DPP6: variants seen among roughly 807,000 people sequenced by gnomAD.
DPP6 encodes A-type potassium channel modulatory protein DPP6.
DPP6 carries 69 observed loss-of-function variants against 122.6 expected under a neutral mutation model. The ratio of observed to expected loss-of-function variants is 0.56; its 90% CI spans 0.46 to 0.69. DPP6 has a LOEUF of 0.69. DPP6 is among the 30% of genes least tolerant of loss of function. DPP6 has a pLI of 0.00. For missense variants in DPP6, 928 were observed against 1,116.9 expected (o/e 0.83, Z 2.41); for synonymous variants, 418 against 433.1 (o/e 0.97, Z 0.43).
At chr7:154,825,527 G>A (rs553279890) in intron 16 of DPP6, among the ~76,000 whole-genome samples, 2 of 152,268 alleles carry the variant, frequency 1.3e-5, no homozygotes, top group African/African-American at 2.4e-5. Context: ...CAGTGCCTTC[G>A]TCACCGACGT....
At chr7:154,073,558 A>T (rs1185902200) in intron 1 of DPP6, among the ~76,000 whole-genome samples, 2 of 152,170 alleles carry the variant, frequency 1.3e-5, no homozygotes, top group East Asian at 3.9e-4. Flanking sequence ...TTCTATACTT[A>T]CCTTTACACA....
intron 3 of DPP6, among the ~76,000 whole-genome samples, chr7:154,501,252 A>G (rs992270465): frequency 8.7e-5 from 3 of 34,380 alleles, no homozygotes; most frequent in Non-Finnish European, 2.2e-4. Flanking sequence ...AACATGATAG[A>G]AAAAAAAAAT....
the DPP6 span, among the ~76,000 whole-genome samples, chr7:153,758,355 G>T: frequency 1.3e-5 from 2 of 152,220 alleles, no homozygotes; most frequent in Non-Finnish European, 2.9e-5. Flanking sequence ...TGTTTAATAA[G>T]TACATTGAGG....
chr7:154,747,949 G>T (rs113097826), intron 8 of DPP6, among the ~76,000 whole-genome samples: 3,109 of 152,314 alleles, frequency 0.02, 112 homozygotes, highest in African/African-American at 0.071. Flanking sequence ...TAGTCACTGA[G>T]ATATGTTGAT....
chr7:153,876,191 A>G, the DPP6 span, among the ~76,000 whole-genome samples: 1 of 152,066 alleles, frequency 6.6e-6, no homozygotes, highest in Non-Finnish European at 1.5e-5. Context: ...AGACAAATCT[A>G]CAATCTTAGA....
At chr7:153,976,237 T>A (rs1796294158) in intron 1 of DPP6, among the ~76,000 whole-genome samples, 1 of 150,964 alleles carries the variant, frequency 6.6e-6, no homozygotes, top group African/African-American at 2.4e-5. Flanking sequence ...CAGGGGAGAG[T>A]GTAGAATGTG....
chr7:153,786,480 C>T, the DPP6 span, among the ~76,000 whole-genome samples: 150 of 151,684 alleles, frequency 9.9e-4, no homozygotes, highest in African/African-American at 3.0e-3. Flanking sequence ...TGGCTCACGC[C>T]TGTAATCCCA....
At chr7:154,308,195 G>C (rs557137493) in intron 1 of DPP6, among the ~76,000 whole-genome samples, 8 of 152,178 alleles carry the variant, frequency 5.3e-5, no homozygotes, top group African/African-American at 1.9e-4. Flanking sequence ...CAGGCATATG[G>C]GTGGTGGGTG....
At chr7:154,262,352 G>A (rs1803083676) in intron 1 of DPP6, among the ~76,000 whole-genome samples, 1 of 152,174 alleles carries the variant, frequency 6.6e-6, no homozygotes, top group Non-Finnish European at 1.5e-5. Context: ...GGCCATAGAG[G>A]TGGAACTTAC....
chr7:154,437,038 C>T (rs1036473600), intron 1 of DPP6, among the ~76,000 whole-genome samples: 2 of 152,200 alleles, frequency 1.3e-5, no homozygotes, highest in Admixed American at 6.5e-5. Flanking sequence ...GAATACACCA[C>T]TCTGGTAGAC....
At chr7:154,158,882 G>T (rs1448406146) in intron 1 of DPP6, among the ~76,000 whole-genome samples, 2 of 151,992 alleles carry the variant, frequency 1.3e-5, no homozygotes, top group Non-Finnish European at 2.9e-5. Flanking sequence ...TAGGACACGG[G>T]TCGGGAGGAG....
Position 154,624,749 on chromosome 7 carries a change from C to T in DPP6, c.628-13072C>T, listed in dbSNP as rs1048964580. ...GGAAACAGTGTCTCCCAGGAAGAAA[C>T]CTGTTAATCTGCACCATGTCAGGGA... On this transcript the variant is annotated intron_variant, in intron 5 of 25. Transcript: ENST00000377770. The surrounding 1 kb of genome is among the most constrained non-coding windows in gnomAD (Gnocchi z 4.7). Among the ~76,000 whole-genome samples the T allele has an allele frequency of 6.6e-6, 1 of 152,158 alleles. No homozygotes were observed. The highest frequency in any genetic ancestry group is 1.5e-5 in the Non-Finnish European group (1 of 68,036).
At chr7:154,667,150 A>T (rs1321371754) in intron 6 of DPP6, among the ~76,000 whole-genome samples, 2 of 151,442 alleles carry the variant, frequency 1.3e-5, no homozygotes, top group Non-Finnish European at 2.9e-5. Flanking sequence ...TTGTCTGTTC[A>T]TGTCTTTTTC....
intron 16 of DPP6, among the ~76,000 whole-genome samples, chr7:154,816,273 T>A (rs925711017): frequency 5.3e-5 from 8 of 152,048 alleles, no homozygotes; most frequent in Admixed American, 2.0e-4. Context: ...CAATAAGATA[T>A]TTTGAGAGAG....
chr7:154,776,455 C>T (rs1278784942), intron 10 of DPP6, among the ~76,000 whole-genome samples: 2 of 152,258 alleles, frequency 1.3e-5, no homozygotes. Flanking sequence ...GGCAGCCCCA[C>T]CCCGCTTCCA....
chr7:153,859,399 T>C, the DPP6 span, among the ~76,000 whole-genome samples: 1 of 152,216 alleles, frequency 6.6e-6, no homozygotes, highest in Non-Finnish European at 1.5e-5. Context: ...AGTTATCACA[T>C]GCCAATGACG....
chr7:154,159,729 A>G (rs1461998887), intron 1 of DPP6, among the ~76,000 whole-genome samples: 1 of 152,310 alleles, frequency 6.6e-6, no homozygotes, highest in African/African-American at 2.4e-5. Context: ...AAAGCGCTAC[A>G]AATACAGGGT....
At chr7:154,051,777 C>T (rs1254833830), upstream of DPP6, among the ~76,000 whole-genome samples, 1 of 150,914 alleles carries the variant, frequency 6.6e-6, no homozygotes, top group East Asian at 2.0e-4. Flanking sequence ...TCTGCCGCCC[C>T]GCGACCTTTC....
chr7:154,305,626 G>A, intron 1 of DPP6: 1 of 1,515,388 alleles, frequency 6.6e-7, no homozygotes, highest in Non-Finnish European at 8.9e-7. Context: ...GTGCATGAGA[G>A]AGACAGAGAC....
Sources: gnomAD v4.1 joint callset for allele counts (sites outside exome capture counted in the v4.1 genomes callset) on GRCh38, gnomAD v4.1.1 for gene constraint, Gnocchi (gnomAD v3.1) non-coding constraint, MANE v1.5 for transcripts, NCBI Gene and HGNC (gene_info 2026-07-23, HGNC 2026-07-21) for gene names.